The following EDIL3 variants were observed in gnomAD, a reference collection of about 807,000 sequenced individuals.
The protein encoded by EDIL3 is EGF-like repeat and discoidin I-like domain-containing protein 3.
In EDIL3, 37 loss-of-function variants were observed where a neutral mutation model predicts 67.4. That is an observed-to-expected ratio of 0.55 (90% CI 0.42 to 0.72). The LOEUF is 0.72. Among genes scored for constraint, EDIL3 ranks in the 30% least tolerant of loss-of-function variants. The pLI, the probability that EDIL3 is intolerant of heterozygous loss-of-function variation, is 0.00. For synonymous variants in EDIL3, 195 were observed against 196.3 expected (o/e 0.99, Z 0.05); for missense variants, 527 against 586.3 (o/e 0.90, Z 1.04).
At chr5:83,971,338 A>ATGATCATAGG (rs1744788385) in intron 9 of EDIL3, among the ~76,000 whole-genome samples, 1 of 150,236 alleles carries the variant, frequency 6.7e-6, no homozygotes, top group Admixed American at 6.7e-5. Context: ...AGTGAAGTGC[A>ATGATCATAGG]TGATCATAGG....
intron 1 of EDIL3, among the ~76,000 whole-genome samples, chr5:84,345,423 A>G (rs972419354): frequency 1.3e-5 from 2 of 152,190 alleles, no homozygotes; most frequent in East Asian, 1.9e-4. Context: ...ATACTCTTCC[A>G]ATCTAAAAGC....
At chr5:84,336,155 G>C (rs942129452) in intron 1 of EDIL3, among the ~76,000 whole-genome samples, 1 of 152,184 alleles carries the variant, frequency 6.6e-6, no homozygotes, top group Non-Finnish European at 1.5e-5. Flanking sequence ...ACTGGCTCTT[G>C]ATATACAATG....
intron 6 of EDIL3, among the ~76,000 whole-genome samples, chr5:84,074,507 A>G (rs2112249948): frequency 6.6e-6 from 1 of 152,282 alleles, no homozygotes; most frequent in Admixed American, 6.5e-5. Flanking sequence ...TACAAGAAAA[A>G]AACAAATAAC....
At position 84,063,080 on chromosome 5, in the gene EDIL3, T is replaced by C. The variant is rs574919502; in HGVS notation, c.952+1620A>G. 2.6e-5 allele frequency among the ~76,000 whole-genome samples: 4 copies of C among 152,258 alleles called. No individual in the cohort carries two copies. The East Asian group carries it at 7.7e-4, about 29-fold the overall frequency. ...TTTTGAGAAAATAAAACCTGTAAAG[T>C]GTCAGGTGCAATGTCTTGTCAAACT... On this transcript the variant is annotated intron_variant, in intron 8 of 10. Coordinates refer to ENST00000296591, the MANE Select transcript of EDIL3 (RefSeq NM_005711.5).
In EDIL3 at chr5:84,041,759, T is replaced by C. The variant is rs76035890; in HGVS notation, c.1137+18541A>G. Among the ~76,000 whole-genome samples the C allele has an allele frequency of 1.6e-3, 239 of 151,466 alleles. 1 individual carries two copies. In the East Asian group the frequency reaches 0.02, roughly 13 times the overall value. ...TGCAGTCTAAAGGACTTTGGATTCATTACCGTGTATTACAGATTTTCCCAC... is the reference window on the plus strand; with the variant it reads ...TGCAGTCTAAAGGACTTTGGATTCACTACCGTGTATTACAGATTTTCCCAC... On this transcript the variant is annotated intron_variant, in intron 9 of 10. Coordinates refer to ENST00000296591, the MANE Select transcript of EDIL3 (RefSeq NM_005711.5).
chr5:84,019,197 A>T (rs1453203557), intron 9 of EDIL3, among the ~76,000 whole-genome samples: 1 of 152,196 alleles, frequency 6.6e-6, no homozygotes, highest in Non-Finnish European at 1.5e-5. Context: ...CATATACACC[A>T]TGGAATACTA....
chr5:84,176,217 ATATAT>A (rs1748910035), intron 4 of EDIL3, among the ~76,000 whole-genome samples: 1 of 113,934 alleles, frequency 8.8e-6, no homozygotes, highest in African/African-American at 3.2e-5. Flanking sequence ...ATATATATAT[ATATAT>A]ATATAATATA....
chr5:84,378,675 T>C (rs1215423803), intron 1 of EDIL3, among the ~76,000 whole-genome samples: 1 of 152,156 alleles, frequency 6.6e-6, no homozygotes, highest in Non-Finnish European at 1.5e-5. Context: ...CTCAGCTATG[T>C]GGTATGTGGA....
intron 2 of EDIL3, among the ~76,000 whole-genome samples, chr5:84,247,268 T>G (rs966831416): frequency 5.3e-5 from 8 of 152,124 alleles, no homozygotes; most frequent in Admixed American, 5.2e-4. Flanking sequence ...AAAATTTAAC[T>G]GAAATTTACC....
At chr5:84,253,572 T>G (rs942726752) in intron 2 of EDIL3, among the ~76,000 whole-genome samples, 1 of 152,140 alleles carries the variant, frequency 6.6e-6, no homozygotes. Flanking sequence ...GCAGAGCAAA[T>G]TTTTTAGAAA....
chr5:84,274,588 T>C (rs931546761), intron 1 of EDIL3, among the ~76,000 whole-genome samples: 1 of 152,248 alleles, frequency 6.6e-6, no homozygotes, highest in Non-Finnish European at 1.5e-5. Flanking sequence ...ATTTTAAGGA[T>C]ATTATTGCTA....
chr5:84,254,858 C>T (rs902944349), intron 1 of EDIL3, among the ~76,000 whole-genome samples: 1 of 152,136 alleles, frequency 6.6e-6, no homozygotes, highest in Non-Finnish European at 1.5e-5. Context: ...CCCCACAATA[C>T]GTGGCCTTGG....
intron 9 of EDIL3, among the ~76,000 whole-genome samples, chr5:83,993,855 C>G (rs1252416287): frequency 6.6e-6 from 1 of 152,186 alleles, no homozygotes; most frequent in Non-Finnish European, 1.5e-5. Flanking sequence ...AGCACCCACT[C>G]TGTATACCCA....
At chr5:84,131,343 T>C (rs1038064499) in intron 5 of EDIL3, among the ~76,000 whole-genome samples, 2 of 152,030 alleles carry the variant, frequency 1.3e-5, no homozygotes, top group Non-Finnish European at 2.9e-5. Flanking sequence ...AAATAGAAAA[T>C]GTTTAAACTT....
chr5:84,303,372 C>T (rs1450221617), intron 1 of EDIL3, among the ~76,000 whole-genome samples: 2 of 152,228 alleles, frequency 1.3e-5, no homozygotes, highest in African/African-American at 2.4e-5. Context: ...GACTGCACTA[C>T]TCATCCTCCC....
chr5:84,353,850 T>C, intron 1 of EDIL3, among the ~76,000 whole-genome samples: 1 of 152,338 alleles, frequency 6.6e-6, no homozygotes, highest in Middle Eastern at 3.4e-3. Context: ...ATTTATTTTG[T>C]ATTTTTCAAA....
intron 1 of EDIL3, among the ~76,000 whole-genome samples, chr5:84,283,383 C>T (rs973193541): frequency 2.6e-5 from 4 of 152,130 alleles, no homozygotes; most frequent in Non-Finnish European, 5.9e-5. Context: ...TTTCTTCACC[C>T]TAACTTCAAT....
At chr5:84,109,071 T>A (rs538100111) in intron 5 of EDIL3, among the ~76,000 whole-genome samples, 4 of 152,170 alleles carry the variant, frequency 2.6e-5, no homozygotes, top group Non-Finnish European at 5.9e-5. Context: ...ATCAGGAAAC[T>A]CATTGACTTT....
rs374648386 is a variant in EDIL3, at chr5:84,311,807, T to C, written c.68-57595A>G. On this transcript the variant is annotated intron_variant, in intron 1 of 10. Transcript: ENST00000296591. ...AAGCATCTGTTTAACAAAGCACATC[T>C]TGCACCACCCTTAATCCATTTAACC... is the stretch of plus-strand genomic sequence containing the variant. Among the ~76,000 whole-genome samples, 503 of 152,246 alleles carry C rather than the reference T, an allele frequency of 3.3e-3. 9 individuals carry two copies. Among genetic ancestry groups the C allele is most frequent in the East Asian group, 7.2e-3 (37 of 5,174 alleles).
Sources: allele counts gnomAD v4.1 joint callset (sites outside exome capture counted in the v4.1 genomes callset), GRCh38; gene constraint gnomAD v4.1.1; transcripts MANE v1.5; gene names NCBI Gene and HGNC (gene_info 2026-07-23, HGNC 2026-07-21).